The following CPNE4 variants were observed in gnomAD, a reference collection of about 807,000 sequenced individuals.
The protein encoded by CPNE4 is copine-4.
Under a neutral mutation model 67.9 loss-of-function variants are expected in CPNE4, and 25 were observed. The observed-to-expected ratio is 0.37, with a 90% CI of 0.27 to 0.51. CPNE4 has a LOEUF of 0.51. Among genes scored for constraint, CPNE4 ranks in the 20% least tolerant of loss-of-function variants. The pLI is 0.93. For synonymous variants in CPNE4, 242 were observed against 244.9 expected (o/e 0.99, Z 0.11); for missense variants, 464 against 690.8 (o/e 0.67, Z 3.68).
At chr3:131,717,700 G>A (rs910367297) in intron 3 of CPNE4, among the ~76,000 whole-genome samples, 20 of 152,092 alleles carry the variant, frequency 1.3e-4, no homozygotes, top group African/African-American at 2.4e-5. Context: ...TCTTGGACAG[G>A]CTCTTTTCTG....
chr3:131,760,583 T>C (rs2082861065), intron 2 of CPNE4, among the ~76,000 whole-genome samples: 1 of 152,126 alleles, frequency 6.6e-6, no homozygotes, highest in African/African-American at 2.4e-5. Flanking sequence ...TTTTCCCCAT[T>C]TTTTTCTCCC....
chr3:131,713,237 T>C (rs986838666), intron 3 of CPNE4, among the ~76,000 whole-genome samples: 1 of 152,144 alleles, frequency 6.6e-6, no homozygotes, highest in Non-Finnish European at 1.5e-5. Flanking sequence ...TACTAATGAA[T>C]GTGAGTGTAT....
rs1447121546 is a variant in CPNE4 at position 131,945,753 on chromosome 3, T to A, written c.-1-40309A>T. ...GTCTATTTCTCTCCTGGCATCTCCT[T>A]CTTAGAGGACCTAACCTGACACACA... On this transcript the variant is annotated intron_variant, in intron 1 of 15. Coordinates refer to ENST00000429747, the MANE Select transcript of CPNE4 (RefSeq NM_130808.3). Among the ~76,000 whole-genome samples, 3 of 152,148 alleles carry A rather than the reference T, an allele frequency of 2.0e-5. No individual in the cohort carries two copies. The East Asian group carries it at 5.8e-4, about 29-fold the overall frequency.
chr3:131,874,451 C>T (rs2087354189), intron 2 of CPNE4, among the ~76,000 whole-genome samples: 1 of 152,070 alleles, frequency 6.6e-6, no homozygotes, highest in Non-Finnish European at 1.5e-5. Flanking sequence ...GGGCCAAACA[C>T]GAGGAATAAA....
intron 5 of CPNE4, among the ~76,000 whole-genome samples, chr3:131,696,234 A>G (rs2107695861): frequency 6.6e-6 from 1 of 152,264 alleles, no homozygotes; most frequent in Non-Finnish European, 1.5e-5. Context: ...TCCCTTTCAT[A>G]TCTTCTCCTC....
chr3:131,955,547 G>A (rs2071939305), intron 1 of CPNE4, among the ~76,000 whole-genome samples: 1 of 150,874 alleles, frequency 6.6e-6, no homozygotes, highest in African/African-American at 2.4e-5. Flanking sequence ...ACAGGGCTTG[G>A]GAAATGGCTT....
At chr3:131,809,282 G>A (rs73875026) in intron 2 of CPNE4, among the ~76,000 whole-genome samples, 3,132 of 152,162 alleles carry the variant, frequency 0.021, 123 homozygotes, top group African/African-American at 0.072. Context: ...AGGCAATAGA[G>A]TTATAAACCA....
At chr3:131,867,535 CCTT>C (rs2087006289) in intron 2 of CPNE4, among the ~76,000 whole-genome samples, 1 of 152,060 alleles carries the variant, frequency 6.6e-6, no homozygotes, top group Non-Finnish European at 1.5e-5. Flanking sequence ...TGGGGGGTCT[CCTT>C]GAGAGGTCAA....
chr3:131,656,480 G>C (rs10512813), intron 7 of CPNE4, among the ~76,000 whole-genome samples: 12,683 of 152,126 alleles, frequency 0.083, 1,098 homozygotes, highest in African/African-American at 0.22. Context: ...CAAAAAATCT[G>C]GTACAATGTC....
At chr3:132,001,896 T>C (rs2073461043) in intron 1 of CPNE4, among the ~76,000 whole-genome samples, 1 of 152,158 alleles carries the variant, frequency 6.6e-6, no homozygotes, top group Admixed American at 6.6e-5. Flanking sequence ...GTAACCAATA[T>C]ACAACAAAAT....
At chr3:131,661,098 T>G (rs1441349239) in intron 7 of CPNE4, among the ~76,000 whole-genome samples, 2 of 152,228 alleles carry the variant, frequency 1.3e-5, no homozygotes, top group Non-Finnish European at 2.9e-5. Flanking sequence ...AGAAATTAAC[T>G]TCTATTACAC....
chr3:131,773,970 C>T (rs567901767), intron 2 of CPNE4, among the ~76,000 whole-genome samples: 12 of 152,202 alleles, frequency 7.9e-5, no homozygotes, highest in African/African-American at 2.6e-4. Flanking sequence ...CAGTGCCATC[C>T]AAATGTCTGC....
intron 2 of CPNE4, among the ~76,000 whole-genome samples, chr3:131,822,593 A>G (rs1018901888): frequency 1.3e-5 from 2 of 152,184 alleles, no homozygotes; most frequent in Non-Finnish European, 2.9e-5. Flanking sequence ...TTTTGTACCT[A>G]TACAGGGAAC....
At chr3:131,683,870 T>A (rs2080819399) in intron 6 of CPNE4, among the ~76,000 whole-genome samples, 1 of 152,112 alleles carries the variant, frequency 6.6e-6, no homozygotes, top group Non-Finnish European at 1.5e-5. Context: ...CTAGGACTGG[T>A]TTAAATTCTT....
intron 1 of CPNE4, among the ~76,000 whole-genome samples, chr3:132,010,133 TG>T (rs1262880773): frequency 2.6e-5 from 4 of 152,232 alleles, no homozygotes; most frequent in Non-Finnish European, 5.9e-5. Flanking sequence ...AAATCTTAGG[TG>T]CAGAACTTTC....
chr3:131,778,133 G>A (rs1480719875), intron 2 of CPNE4, among the ~76,000 whole-genome samples: 1 of 152,104 alleles, frequency 6.6e-6, no homozygotes, highest in Non-Finnish European at 1.5e-5. Flanking sequence ...CATCAAGCCT[G>A]TTCCCTGGAA....
chr3:131,636,229 G>T (rs1036853024), intron 7 of CPNE4, among the ~76,000 whole-genome samples: 2 of 152,170 alleles, frequency 1.3e-5, no homozygotes, highest in Non-Finnish European at 2.9e-5. Context: ...GAGGCTTGTG[G>T]TCTGGGGCAA....
rs755318339 is a variant in CPNE4 at position 131,581,547 on chromosome 3, C to T, written c.867+32G>A. On this transcript the variant is annotated intron_variant, in intron 9 of 15. Transcript: ENST00000429747. ...TCTTCCTCTCAGATAGCCCTAGCTTCATACTCCTGGAAGAGAGGGTTGTGT... is the reference window on the plus strand; with the variant it reads ...TCTTCCTCTCAGATAGCCCTAGCTTTATACTCCTGGAAGAGAGGGTTGTGT... 7 of 1,455,356 alleles carry T rather than the reference C, an allele frequency of 4.8e-6. No individual in the cohort carries two copies. The South Asian group carries it at 6.8e-5, about 14-fold the overall frequency. 90.2% of individuals were successfully genotyped at this position (1,455,356 alleles called of 1,614,324 possible).
intron 6 of CPNE4, among the ~76,000 whole-genome samples, chr3:131,672,296 G>T (rs2080438818): frequency 6.6e-6 from 1 of 151,902 alleles, no homozygotes; most frequent in Non-Finnish European, 1.5e-5. Flanking sequence ...AATATGGGAG[G>T]GCAGATATCT....
Sources: gnomAD v4.1 joint callset for allele counts (sites outside exome capture counted in the v4.1 genomes callset) on GRCh38, gnomAD v4.1.1 for gene constraint, MANE v1.5 for transcripts, NCBI Gene and HGNC (gene_info 2026-07-23, HGNC 2026-07-21) for gene names.